PADI3: variants seen among roughly 807,000 people sequenced by gnomAD.
PADI3 encodes the protein protein-arginine deiminase type-3.
A neutral mutation model predicts 71.5 loss-of-function variants in PADI3; 53 were observed. The ratio of observed to expected loss-of-function variants is 0.74; its 90% CI spans 0.59 to 0.93. The LOEUF (loss-of-function observed/expected upper bound fraction) is 0.93. Among genes scored for constraint, PADI3 ranks in the 40% least tolerant of loss-of-function variants. PADI3 has a pLI of 0.00. For missense variants in PADI3, 821 were observed against 868.0 expected (o/e 0.95, Z 0.68); for synonymous variants, 361 against 347.5 (o/e 1.04, Z -0.43).
intron 15 of PADI3, among the ~76,000 whole-genome samples, chr1:17,281,613 C>G (rs534950407): frequency 5.9e-5 from 9 of 152,128 alleles, no homozygotes; most frequent in African/African-American, 2.2e-4. Flanking sequence ...CCACCACGCC[C>G]GGCTAATTTC....
At chr1:17,251,120 C>T (rs2072961094) in intron 1 of PADI3, among the ~76,000 whole-genome samples, 1 of 152,180 alleles carries the variant, frequency 6.6e-6, no homozygotes, top group Non-Finnish European at 1.5e-5. Flanking sequence ...GTGTGTGTAC[C>T]ATTCAGAGCC....
At chr1:17,276,916 C>G in intron 13 of PADI3, 40 bp downstream of exon 13, 1 of 1,523,622 alleles carries the variant, frequency 6.6e-7, no homozygotes, top group Non-Finnish European at 8.9e-7. Flanking sequence ...GGCTTGCCTG[C>G]CCCTTACCCA....
At chr1:17,252,330 G>A (rs961220654) in intron 1 of PADI3, among the ~76,000 whole-genome samples, 1 of 152,026 alleles carries the variant, frequency 6.6e-6, no homozygotes, top group Non-Finnish European at 1.5e-5. Context: ...TCTTTCTCAA[G>A]GCTCAGGCAT....
At chr1:17,265,606 G>GC in intron 3 of PADI3, 53 bp from the exon 4 acceptor site, 3 of 1,522,356 alleles carry the variant, frequency 2.0e-6, no homozygotes, top group Non-Finnish European at 2.7e-6. Context: ...ATCAAGGCCT[G>GC]CCCTGGGCTC....
In PADI3 at chr1:17,270,886, C is replaced by T. The variant is rs528627131; in HGVS notation, c.839C>T (p.Ser280Leu). Residue 280 changes from serine (S) to leucine (L), a missense_variant, in exon 8 of 16, where the codon TCG becomes TTG. Ser to Leu is a moderately radical substitution (Grantham distance 145). Coordinates refer to ENST00000375460, the MANE Select transcript of PADI3 (RefSeq NM_016233.2). The part of the protein sequence containing the change: ...TLLDDSNEDF[S>L]ASPIFTDTVV... ...CCTGGTCTGCCCCTGCAGGATTTCT[C>T]GGCATCCCCTATCTTCACTGACACT... 9.9e-6 allele frequency: 16 copies of T among 1,613,816 alleles called. No individual in the cohort carries two copies. The Middle Eastern group carries it at 4.9e-4, about 50-fold the overall frequency.
chr1:17,262,080 G>A, intron 2 of PADI3, 53 bp from the exon 3 acceptor site: 1 of 1,514,296 alleles, frequency 6.6e-7, no homozygotes, highest in Non-Finnish European at 9.2e-7. Context: ...CTATCTTTTG[G>A]GGCGGGAGCT....
chr1:17,253,209 T>G (rs911104830), intron 1 of PADI3, among the ~76,000 whole-genome samples: 4 of 152,186 alleles, frequency 2.6e-5, no homozygotes, highest in African/African-American at 9.7e-5. Context: ...GCTGGCAGAC[T>G]TGGCTCTAAG....
At position 17,276,857 on chromosome 1, in the gene PADI3, C is replaced by T. The variant is rs950905786; in HGVS notation, c.1536C>T (p.Leu512=). ...AGAAGTGTGGCCACGGGAGGGCCCT[C>T]CTGTTCCAGGGGGTTGTTGGTGGGT... ...EKQKCGHGRA[L]LFQGVVDDEQ... The change falls in exon 13 of 16, where the codon CTC becomes CTT. Residue 512 remains leucine, a synonymous_variant. Coordinates refer to ENST00000375460, the MANE Select transcript of PADI3 (RefSeq NM_016233.2). The T allele has an allele frequency of 3.1e-6, 5 of 1,612,628 alleles. No individual in the cohort carries two copies. Among genetic ancestry groups the T allele is most frequent in the South Asian group, 1.1e-5 (1 of 90,750 alleles).
intron 3 of PADI3, among the ~76,000 whole-genome samples, chr1:17,264,575 T>C (rs917143586): frequency 6.6e-5 from 10 of 152,210 alleles, no homozygotes; most frequent in African/African-American, 2.2e-4. Flanking sequence ...CCAAATAACA[T>C]GGTCTCATTT....
Position 17,249,296 on chromosome 1 carries a change from A to G in PADI3, c.92+67A>G, listed in dbSNP as rs578171627. On this transcript the variant is annotated intron_variant, in intron 1 of 15. Transcript: ENST00000375460. ...GATGCCCTTGGACCTTCCTCCCTGC[A>G]GGCTGGGCAGGGCTTCTTCAGGGCC... The G allele has an allele frequency of 1.3e-5, 17 of 1,312,390 alleles. No homozygotes were observed. In the South Asian group the frequency reaches 1.4e-4, roughly 11 times the overall value. The allele number at this position is 1,312,390 out of a possible 1,614,324, so 81.3% of individuals were successfully genotyped here.
chr1:17,280,906 G>T, intron 15 of PADI3, 110 bp downstream of exon 15: 1 of 1,372,842 alleles, frequency 7.3e-7, no homozygotes, highest in Non-Finnish European at 1.0e-6. Flanking sequence ...TGGCCAGTGG[G>T]GGTGGCAGGG....
intron 3 of PADI3, among the ~76,000 whole-genome samples, chr1:17,263,253 T>C (rs1334557051): frequency 6.6e-6 from 1 of 152,198 alleles, no homozygotes; most frequent in Admixed American, 6.5e-5. Context: ...GAGCTGATCC[T>C]AAAATTTGTA....
At chr1:17,267,769 G>T in intron 5 of PADI3, 68 bp from the exon 6 acceptor site, 2 of 1,584,304 alleles carry the variant, frequency 1.3e-6, no homozygotes, top group South Asian at 2.3e-5. Context: ...GGAGGGAGCT[G>T]GGCAGCAGAG....
chr1:17,282,999 A>G lies in PADI3; in HGVS notation c.1915A>G (p.Met639Val). The change falls in exon 16 of 16, where the codon ATG (methionine) becomes GTG (valine). Residue 639 changes from methionine (M) to valine (V), a missense_variant. Physicochemically the swap from Met to Val is conservative, Grantham distance 21 (BLOSUM62 1). Coordinates refer to ENST00000375460, the MANE Select transcript of PADI3 (RefSeq NM_016233.2). ...TFIDDFTPYH[M>V]LHGEVHCGTN... ...CATTGATGACTTCACTCCATACCAC[A>G]TGCTGCATGGGGAGGTGCACTGTGG... 6.2e-7 allele frequency: 1 copy of G among 1,614,198 alleles called. No individual in the cohort carries two copies. The highest frequency in any genetic ancestry group is 8.5e-7 in the Non-Finnish European group (1 of 1,180,016).
intron 5 of PADI3, 109 bp downstream of exon 5, chr1:17,266,945 C>T (rs1026968983): frequency 2.6e-5 from 21 of 821,804 alleles, no homozygotes; most frequent in East Asian, 1.2e-4. Flanking sequence ...CAGGGGAGAG[C>T]GCCAGCCTCC....
chr1:17,279,054 G>A (rs887059520), intron 13 of PADI3, among the ~76,000 whole-genome samples: 1 of 152,156 alleles, frequency 6.6e-6, no homozygotes, highest in African/African-American at 2.4e-5. Flanking sequence ...AGGGAGAAAT[G>A]CCACCTTCAT....
At chr1:17,263,998 G>A (rs1377378347) in intron 3 of PADI3, among the ~76,000 whole-genome samples, 4 of 152,152 alleles carry the variant, frequency 2.6e-5, no homozygotes, top group African/African-American at 4.8e-5. Context: ...ATCTGTAGGA[G>A]GCATTTTTTA....
intron 9 of PADI3, 115 bp downstream of exon 9, chr1:17,271,293 G>C: frequency 1.2e-6 from 1 of 845,250 alleles, no homozygotes; most frequent in Non-Finnish European, 1.8e-6. Context: ...CAGGGAACTT[G>C]CTGCCGTTTC....
chr1:17,280,095 G>A (rs1461242077), intron 13 of PADI3, among the ~76,000 whole-genome samples: 1 of 152,202 alleles, frequency 6.6e-6, no homozygotes, highest in Non-Finnish European at 1.5e-5. Flanking sequence ...ACCACTTCCA[G>A]TGAACTCAAA....
Sources: allele counts gnomAD v4.1 joint callset (sites outside exome capture counted in the v4.1 genomes callset), GRCh38; gene constraint gnomAD v4.1.1; transcripts MANE v1.5; gene names NCBI Gene and HGNC (gene_info 2026-07-23, HGNC 2026-07-21).